The following POLDIP3 variants were observed in gnomAD, a reference collection of about 807,000 sequenced individuals.
The protein encoded by POLDIP3 is polymerase delta-interacting protein 3.
In POLDIP3, 14 loss-of-function variants were observed where a neutral mutation model predicts 45.1. The observed-to-expected ratio is 0.31, with a 90% CI of 0.20 to 0.49. POLDIP3 has a LOEUF of 0.49. Among genes scored for constraint, POLDIP3 ranks in the 20% least tolerant of loss-of-function variants. The pLI, the probability that POLDIP3 is intolerant of heterozygous loss-of-function variation, is 0.99. For missense variants in POLDIP3, 511 were observed against 538.8 expected (o/e 0.95, Z 0.51); for synonymous variants, 223 against 205.2 (o/e 1.09, Z -0.74).
intron 7 of POLDIP3, among the ~76,000 whole-genome samples, chr22:42,590,744 T>G (rs1925613717): frequency 6.6e-6 from 1 of 152,200 alleles, no homozygotes; most frequent in Non-Finnish European, 1.5e-5. Context: ...CAACTCAGTA[T>G]TTAAAAAGCA....
At position 42,585,825 on chromosome 22, in the gene POLDIP3, G is replaced by A. The variant is rs779541421; in HGVS notation, c.1232C>T (p.Thr411Ile). The change falls in exon 9 of 9, where the codon ACC becomes ATC. Residue 411 changes from threonine to isoleucine, a missense_variant. Transcript: ENST00000252115. The stretch of plus-strand genomic sequence containing the variant: ...GATTTTGAATTCTGTGGGCTGCGTG[G>A]TCACAGAGGCCCCTGAGGACTTGAA... ...ALFKSSGASV[T>I]TQPTEFKIKL 2 of 1,612,744 alleles carry A rather than the reference G, an allele frequency of 1.2e-6. No individual in the cohort carries two copies. The highest frequency in any genetic ancestry group is 1.7e-6 in the Non-Finnish European group (2 of 1,179,914).
At chr22:42,606,772 T>C (rs1275651034) in intron 1 of POLDIP3, among the ~76,000 whole-genome samples, 1 of 152,164 alleles carries the variant, frequency 6.6e-6, no homozygotes, top group Non-Finnish European at 1.5e-5. Flanking sequence ...GTCCTTTAAA[T>C]GTTACAACCC....
At chr22:42,587,673 C>G in intron 7 of POLDIP3, 101 bp from the exon 8 acceptor site, 1 of 1,118,916 alleles carries the variant, frequency 8.9e-7, no homozygotes, top group South Asian at 1.3e-5. Context: ...AAAGCACCCA[C>G]CACTGGCAGT....
At chr22:42,595,411 C>G in intron 6 of POLDIP3, 126 bp downstream of exon 6, 2 of 828,734 alleles carry the variant, frequency 2.4e-6, no homozygotes, top group Non-Finnish European at 4.1e-6. Flanking sequence ...TAGTCTCAGC[C>G]CTGAGCGTGA....
chr22:42,600,646 T>TA (rs1926303182), intron 3 of POLDIP3, among the ~76,000 whole-genome samples: 1 of 145,416 alleles, frequency 6.9e-6, no homozygotes, highest in Non-Finnish European at 1.5e-5. Context: ...AAAGAATATA[T>TA]AACCACAACC....
At chr22:42,587,226 G>C (rs1165246017) in intron 8 of POLDIP3, among the ~76,000 whole-genome samples, 2 of 152,190 alleles carry the variant, frequency 1.3e-5, no homozygotes, top group African/African-American at 4.8e-5. Flanking sequence ...ACAGCTAGGA[G>C]ACCCAAGCAG....
intron 2 of POLDIP3, 190 bp from the exon 3 acceptor site, chr22:42,602,246 G>T: frequency 1.1e-6 from 1 of 889,226 alleles, no homozygotes; most frequent in Non-Finnish European, 1.7e-6. Context: ...TGCCGGTAAC[G>T]CACATGTAGG....
chr22:42,601,652 T>G (rs1926383538), intron 3 of POLDIP3, among the ~76,000 whole-genome samples: 1 of 151,990 alleles, frequency 6.6e-6, no homozygotes, highest in African/African-American at 2.4e-5. Flanking sequence ...TCCCAGATAC[T>G]CAGGAGGCTG....
intron 1 of POLDIP3, among the ~76,000 whole-genome samples, chr22:42,613,144 A>G (rs1033502357): frequency 1.3e-5 from 2 of 152,210 alleles, no homozygotes; most frequent in Non-Finnish European, 2.9e-5. Context: ...GAGAGAGAAG[A>G]ACCTGGGGTG....
In POLDIP3 at chr22:42,602,773, G is replaced by A. The variant is rs566703334; in HGVS notation, c.447C>T (p.Ile149=). Residue 149 remains isoleucine, a synonymous_variant, in exon 2 of 9, where the codon ATC becomes ATT. Transcript: ENST00000252115. The part of the protein sequence containing the change: ...VTPALKLTKT[I]QVPQQKAMAP... ...CATGACAAAAGCCACAACTCACCTG[G>A]ATGGTTTTGGTGAGCTTCAGAGCAG... is the stretch of plus-strand genomic sequence containing the variant. 1 of 1,595,430 alleles carries A rather than the reference G, an allele frequency of 6.3e-7. No homozygotes were observed. Among genetic ancestry groups the A allele is most frequent in the East Asian group, 2.2e-5 (1 of 44,558 alleles).
intron 1 of POLDIP3, among the ~76,000 whole-genome samples, chr22:42,605,194 C>G (rs1269263396): frequency 6.6e-6 from 1 of 152,268 alleles, no homozygotes; most frequent in Non-Finnish European, 1.5e-5. Context: ...GTGGCGCAAT[C>G]TTGGCTCACC....
At chr22:42,606,792 G>T (rs544123110) in intron 1 of POLDIP3, among the ~76,000 whole-genome samples, 5 of 152,088 alleles carry the variant, frequency 3.3e-5, no homozygotes, top group Non-Finnish European at 2.9e-5. Context: ...CCGTGAATCA[G>T]GTTATTGTTC....
chr22:42,589,377 C>A (rs779312608), intron 7 of POLDIP3, among the ~76,000 whole-genome samples: 2 of 151,798 alleles, frequency 1.3e-5, no homozygotes, highest in Non-Finnish European at 2.9e-5. Flanking sequence ...AAAAAAGTGA[C>A]TAGAGGTAAA....
chr22:42,592,841 A>C (rs948289836), intron 6 of POLDIP3, among the ~76,000 whole-genome samples: 2 of 152,220 alleles, frequency 1.3e-5, no homozygotes, highest in African/African-American at 4.8e-5. Flanking sequence ...GCAAAATGTG[A>C]AGATGGACAG....
At chr22:42,601,206 AG>A (rs975872207) in intron 3 of POLDIP3, among the ~76,000 whole-genome samples, 9 of 151,910 alleles carry the variant, frequency 5.9e-5, no homozygotes, top group African/African-American at 2.2e-4. Flanking sequence ...TTAAGCACAT[AG>A]AACTTTTATT....
chr22:42,608,597 A>G (rs1265813257), intron 1 of POLDIP3, among the ~76,000 whole-genome samples: 1 of 151,978 alleles, frequency 6.6e-6, no homozygotes, highest in Non-Finnish European at 1.5e-5. Context: ...AAATCTTAGG[A>G]CTCCGGTCAT....
intron 2 of POLDIP3, among the ~76,000 whole-genome samples, chr22:42,602,339 T>C (rs912008320): frequency 6.6e-6 from 1 of 152,232 alleles, no homozygotes. Context: ...TTAAATGACA[T>C]TGTTTCCTTT....
intron 7 of POLDIP3, among the ~76,000 whole-genome samples, chr22:42,588,314 G>A (rs1240805647): frequency 6.6e-6 from 1 of 151,984 alleles, no homozygotes; most frequent in East Asian, 1.9e-4. Context: ...AATTAGCTGG[G>A]TGTGGTGGCG....
intron 1 of POLDIP3, among the ~76,000 whole-genome samples, chr22:42,605,059 T>C (rs1926633536): frequency 6.6e-6 from 1 of 152,192 alleles, no homozygotes; most frequent in Admixed American, 6.5e-5. Flanking sequence ...TCATCAGACA[T>C]GGAATCTGCC....
Sources: gnomAD v4.1 joint callset for allele counts (sites outside exome capture counted in the v4.1 genomes callset) on GRCh38, gnomAD v4.1.1 for gene constraint, MANE v1.5 for transcripts, NCBI Gene and HGNC (gene_info 2026-07-23, HGNC 2026-07-21) for gene names.